The following CPXM2 variants were observed in gnomAD, a reference collection of about 807,000 sequenced individuals.
The protein encoded by CPXM2 is carboxypeptidase X, M14 family member 2, also known as inactive carboxypeptidase-like protein X2.
In CPXM2, 66 loss-of-function variants were observed where a neutral mutation model predicts 86.1. The ratio of observed to expected loss-of-function variants is 0.77; its 90% confidence interval spans 0.63 to 0.94. The LOEUF (loss-of-function observed/expected upper bound fraction) is 0.94. Among genes scored for constraint, CPXM2 ranks in the 40% least tolerant of loss-of-function variants. The pLI is 0.00. For synonymous variants in CPXM2, 388 were observed against 400.2 expected, an observed-to-expected ratio of 0.97 and a Z score of 0.36; for missense variants, 948 against 1,026.3, an observed-to-expected ratio of 0.92 and a Z score of 1.04.
chr10:123,854,039 C>A (rs528650964), intron 3 of CPXM2, among the ~76,000 whole-genome samples: 2 of 151,816 alleles, frequency 1.3e-5, no homozygotes, highest in African/African-American at 4.8e-5. Flanking sequence ...GAAGCACTAA[C>A]ACAGAATGAC....
At chr10:123,846,542 C>T (rs528487715) in intron 3 of CPXM2, among the ~76,000 whole-genome samples, 3 of 152,160 alleles carry the variant, frequency 2.0e-5, no homozygotes, top group African/African-American at 7.2e-5. Context: ...CGTTCCTAAC[C>T]GGCCATAGAT....
At chr10:123,762,965 G>A (rs1846380261) in intron 10 of CPXM2, among the ~76,000 whole-genome samples, 6 of 152,144 alleles carry the variant, frequency 3.9e-5, no homozygotes, top group Admixed American at 3.9e-4. Flanking sequence ...AACACATCAG[G>A]GGCCCTGGAT....
chr10:123,923,817 A>G (rs1157735303), intron 2 of CPXM2, among the ~76,000 whole-genome samples: 2 of 152,048 alleles, frequency 1.3e-5, no homozygotes, highest in Non-Finnish European at 2.9e-5. Flanking sequence ...ATAAAGGGGC[A>G]TTTCCCTGCA....
intron 1 of CPXM2, among the ~76,000 whole-genome samples, chr10:123,882,788 C>A (rs182441982): frequency 4.7e-5 from 7 of 149,228 alleles, no homozygotes; most frequent in African/African-American, 7.4e-5. Flanking sequence ...GCAACCCCCC[C>A]CCACCATAAC....
At chr10:123,926,570 T>C (rs899766124) in intron 2 of CPXM2, among the ~76,000 whole-genome samples, 2 of 152,240 alleles carry the variant, frequency 1.3e-5, no homozygotes, top group Non-Finnish European at 2.9e-5. Context: ...TTCCTAGATA[T>C]TCTTTCAATT....
At chr10:123,862,568 C>A in intron 3 of CPXM2, 46 bp downstream of exon 3, 1 of 1,527,836 alleles carries the variant, frequency 6.5e-7, no homozygotes, top group Non-Finnish European at 9.1e-7. Flanking sequence ...GGAACCAGAG[C>A]AATAAACAAG....
At chr10:123,895,189 T>A (rs1945327190), upstream of CPXM2, among the ~76,000 whole-genome samples, 1 of 141,188 alleles carries the variant, frequency 7.1e-6, no homozygotes, top group Non-Finnish European at 1.5e-5. Context: ...AGTGGCACCA[T>A]GTCGGCTCAC....
At chr10:123,863,753 T>C (rs1004194402) in intron 2 of CPXM2, among the ~76,000 whole-genome samples, 1 of 152,168 alleles carries the variant, frequency 6.6e-6, no homozygotes, top group Non-Finnish European at 1.5e-5. Flanking sequence ...ACTCTCGTGG[T>C]CTGGCACCTC....
upstream of CPXM2, among the ~76,000 whole-genome samples, chr10:123,895,655 G>A (rs916918563): frequency 2.0e-5 from 3 of 152,130 alleles, no homozygotes; most frequent in Non-Finnish European, 4.4e-5. Context: ...TTTAACTCAG[G>A]ACTGGAACCC....
intron 4 of CPXM2, among the ~76,000 whole-genome samples, chr10:123,819,013 G>A (rs1249609578): frequency 1.3e-5 from 2 of 152,136 alleles, no homozygotes; most frequent in Non-Finnish European, 2.9e-5. Flanking sequence ...AGCTCCAGAG[G>A]GAGGAATGCT....
At chr10:123,796,611 A>T (rs1301107704) in intron 6 of CPXM2, among the ~76,000 whole-genome samples, 1 of 152,252 alleles carries the variant, frequency 6.6e-6, no homozygotes, top group Non-Finnish European at 1.5e-5. Flanking sequence ...AAGATCATGA[A>T]TACTACGGGA....
intron 2 of CPXM2, among the ~76,000 whole-genome samples, chr10:123,868,000 G>T (rs1372232527): frequency 6.6e-6 from 1 of 152,232 alleles, no homozygotes; most frequent in East Asian, 1.9e-4. Flanking sequence ...GAGAGAGGAG[G>T]TCTGGGGAAT....
intron 2 of CPXM2, chr10:123,913,866 C>T (rs1428987233): frequency 2.5e-6 from 1 of 398,326 alleles, no homozygotes; most frequent in Non-Finnish European, 5.1e-6. Context: ...CACCATCCCT[C>T]CTCAGGAGGC....
chr10:123,897,934 C>A (rs755533190), intron 2 of CPXM2, among the ~76,000 whole-genome samples: 4 of 152,194 alleles, frequency 2.6e-5, no homozygotes, highest in Non-Finnish European at 5.9e-5. Context: ...TCCTCCCAGT[C>A]AAGGTACGGG....
intron 2 of CPXM2, among the ~76,000 whole-genome samples, chr10:123,922,036 G>T (rs1206256614): frequency 1.3e-5 from 2 of 152,098 alleles, no homozygotes; most frequent in Non-Finnish European, 2.9e-5. Flanking sequence ...TCTACTCCAG[G>T]ACTCAACCTG....
At chr10:123,923,564 G>A (rs1001859456) in intron 2 of CPXM2, among the ~76,000 whole-genome samples, 9 of 150,966 alleles carry the variant, frequency 6.0e-5, no homozygotes, top group African/African-American at 2.2e-4. Context: ...CTGGGCGACA[G>A]AGCGAGACTC....
intron 2 of CPXM2, among the ~76,000 whole-genome samples, chr10:123,901,429 T>TG: frequency 7.2e-6 from 1 of 139,040 alleles, no homozygotes; most frequent in South Asian, 2.4e-4. Context: ...CCAAGCAAGT[T>TG]TGTGTGTGTG....
At chr10:123,911,898 G>A (rs1022252643) in intron 2 of CPXM2, among the ~76,000 whole-genome samples, 27 of 152,198 alleles carry the variant, frequency 1.8e-4, no homozygotes, top group African/African-American at 6.5e-4. Flanking sequence ...TCCGAAGAAA[G>A]AATTCGACTG....
At position 123,891,302 on chromosome 10, in the gene CPXM2, A is replaced by C; in HGVS notation, c.304+54T>G. The C allele has an allele frequency of 7.3e-7, 1 of 1,372,872 alleles. No individual in the cohort carries two copies. The highest frequency in any genetic ancestry group is 1.5e-5 in the South Asian group (1 of 66,562). The allele number at this position is 1,372,872 out of a possible 1,614,324, so 85.0% of individuals were successfully genotyped here. A position where few individuals can be genotyped will look rare whatever the true frequency, so the allele number is the denominator to read the frequency against. ...ATGGGAGAAGCCAGTTGTCCCCTGG[A>C]GGCGCGCAACCACCGGCGCCCCCTC... On this transcript the variant is annotated intron_variant, in intron 1 of 13. Transcript: ENST00000241305. The surrounding 1 kb of genome is among the most constrained non-coding windows in gnomAD (Gnocchi z 5.6).
Sources: gnomAD v4.1 joint callset for allele counts (sites outside exome capture counted in the v4.1 genomes callset) on GRCh38, gnomAD v4.1.1 for gene constraint, Gnocchi (gnomAD v3.1) non-coding constraint, MANE v1.5 for transcripts, NCBI Gene and HGNC (gene_info 2026-07-23, HGNC 2026-07-21) for gene names.